ACOT12: variants seen among roughly 807,000 people sequenced by gnomAD.
ACOT12 encodes the protein acyl-CoA thioesterase 12.
A neutral mutation model predicts 67.7 loss-of-function variants in ACOT12; 51 were observed. That is an observed-to-expected ratio of 0.75 (90% CI 0.60 to 0.95). ACOT12 has a LOEUF of 0.95. Ranked by LOEUF, ACOT12 falls within the 40% of genes least tolerant of loss-of-function variation. The probability of loss-of-function intolerance (pLI) is 0.00; values close to 1 mark genes in which losing one functional copy is unlikely to be tolerated. For missense variants in ACOT12, 734 were observed against 708.1 expected (o/e 1.04, Z -0.41); for synonymous variants, 251 against 244.6 (o/e 1.03, Z -0.24).
Position 81,335,952 on chromosome 5 carries a change from T to C in ACOT12, c.1129-51A>G, listed in dbSNP as rs762089378. On this transcript the variant is annotated intron_variant, in intron 11 of 14. Transcript: ENST00000307624. ...TACGAAAGAAAACTGATGCTTTTAC[T>C]TTAGAAACCATATGCATATATATGT... The C allele has an allele frequency of 1.9e-6, 3 of 1,559,154 alleles. No homozygotes were observed. In the South Asian group the frequency reaches 3.6e-5, roughly 18 times the overall value.
intron 2 of ACOT12, among the ~76,000 whole-genome samples, chr5:81,375,622 A>G (rs1290902324): frequency 6.6e-6 from 1 of 152,138 alleles, no homozygotes. Context: ...ACATAGGCTC[A>G]AAATAAAGGG....
chr5:81,363,383 A>G (rs564082418), intron 4 of ACOT12, among the ~76,000 whole-genome samples: 1 of 152,224 alleles, frequency 6.6e-6, no homozygotes, highest in South Asian at 2.1e-4. Flanking sequence ...TGGTTAATCT[A>G]TAACATGCAA....
chr5:81,389,782 C>A (rs1054614140), intron 1 of ACOT12, among the ~76,000 whole-genome samples: 1 of 152,064 alleles, frequency 6.6e-6, no homozygotes, highest in Non-Finnish European at 1.5e-5. Context: ...CTGCCTCAGC[C>A]TCCCAAAGTA....
At chr5:81,335,671 G>A in intron 12 of ACOT12, 97 bp downstream of exon 12, 1 of 1,369,228 alleles carries the variant, frequency 7.3e-7, no homozygotes, top group Admixed American at 2.1e-5. Context: ...TTAAACAATG[G>A]GTCACACATT....
the ACOT12 span, among the ~76,000 whole-genome samples, chr5:81,322,752 C>T: frequency 6.6e-6 from 1 of 152,110 alleles, no homozygotes; most frequent in Non-Finnish European, 1.5e-5. Context: ...AACTTAAAAT[C>T]ATGGTGGAAG....
At chr5:81,314,251 C>T in the ACOT12 span, among the ~76,000 whole-genome samples, 2 of 151,994 alleles carry the variant, frequency 1.3e-5, no homozygotes, top group East Asian at 3.9e-4. Flanking sequence ...ATTATAGGCA[C>T]GCACCACCAC....
intron 3 of ACOT12, among the ~76,000 whole-genome samples, chr5:81,368,034 G>A (rs1209945709): frequency 2.6e-5 from 4 of 152,186 alleles, no homozygotes; most frequent in African/African-American, 9.7e-5. Flanking sequence ...GCTCATGCCT[G>A]TAATCCCAGC....
At chr5:81,385,719 A>G in intron 2 of ACOT12, 38 bp downstream of exon 2, 2 of 1,605,562 alleles carry the variant, frequency 1.2e-6, no homozygotes, top group Non-Finnish European at 1.7e-6. Context: ...TGAACCCACA[A>G]ACCCAGGAGA....
chr5:81,326,400 A>T (rs911554148), downstream of ACOT12, among the ~76,000 whole-genome samples: 2 of 152,072 alleles, frequency 1.3e-5, no homozygotes, highest in Non-Finnish European at 2.9e-5. Context: ...TTGGGATTAC[A>T]TTCATGAGCC....
the ACOT12 span, among the ~76,000 whole-genome samples, chr5:81,322,089 A>G: frequency 6.6e-6 from 1 of 152,176 alleles, no homozygotes; most frequent in Non-Finnish European, 1.5e-5. Context: ...TCACAAATTT[A>G]TAATAGAATG....
At chr5:81,345,100 T>A (rs28714197) in intron 7 of ACOT12, 59 bp from the exon 8 acceptor site, 1 of 1,591,870 alleles carries the variant, frequency 6.3e-7, no homozygotes, top group Non-Finnish European at 8.6e-7. Flanking sequence ...AGGCCCTCCT[T>A]GCACACCGCT....
intron 5 of ACOT12, among the ~76,000 whole-genome samples, chr5:81,357,503 C>T (rs7717621): frequency 0.2 from 30,449 of 151,568 alleles, 3,640 homozygotes; most frequent in African/African-American, 0.33. Flanking sequence ...CACACACACA[C>T]ACTCCATCTA....
intron 5 of ACOT12, among the ~76,000 whole-genome samples, chr5:81,357,695 C>A (rs1357403724): frequency 1.3e-5 from 2 of 152,116 alleles, no homozygotes; most frequent in African/African-American, 2.4e-5. Flanking sequence ...TCTGGATAAA[C>A]ATGCACAGAT....
At position 81,331,635 on chromosome 5, in the gene ACOT12, C is replaced by T. The variant is rs189565251; in HGVS notation, c.1392-695G>A. On this transcript the variant is annotated intron_variant, in intron 13 of 14. Transcript: ENST00000307624. ...AAAATCTTCCTCCAGTCCAATTGCG[C>T]TCCCATGCTATTTTCTACCCTAGAA... Among the ~76,000 whole-genome samples the T allele has an allele frequency of 3.8e-3, 578 of 152,304 alleles. 11 individuals carry two copies. The highest frequency in any genetic ancestry group is 0.036 in the Admixed American group (546 of 15,300).
At chr5:81,391,104 T>G (rs1238992385) in intron 1 of ACOT12, among the ~76,000 whole-genome samples, 1 of 152,232 alleles carries the variant, frequency 6.6e-6, no homozygotes, top group East Asian at 1.9e-4. Flanking sequence ...ACAACTATTT[T>G]CAGTTCTTTT....
chr5:81,383,530 T>C (rs11950658), intron 2 of ACOT12, among the ~76,000 whole-genome samples: 74,998 of 151,426 alleles, frequency 0.5, 20,359 homozygotes, highest in African/African-American at 0.71. Context: ...AATTGCAAGA[T>C]AAAAGAAGGA....
chr5:81,392,982 C>T (rs1760902820), intron 1 of ACOT12, among the ~76,000 whole-genome samples: 1 of 152,148 alleles, frequency 6.6e-6, no homozygotes, highest in Non-Finnish European at 1.5e-5. Context: ...ACCTCATTAG[C>T]CTTAATTCTT....
chr5:81,362,892 T>A (rs1005158234), intron 4 of ACOT12, among the ~76,000 whole-genome samples: 1 of 152,198 alleles, frequency 6.6e-6, no homozygotes, highest in Non-Finnish European at 1.5e-5. Context: ...AATATGAATT[T>A]GCCTTGCAAC....
rs951310618 is a variant in ACOT12, at chr5:81,343,756, G to A, written c.1044+62C>T. On this transcript the variant is annotated intron_variant, in intron 10 of 14. Transcript: ENST00000307624. ...CACAGCCTAGGCCAGTTAGGCAAGC[G>A]GATTTCCATTTTTGTAATGATGAGA... 25 of 1,546,568 alleles carry A rather than the reference G, an allele frequency of 1.6e-5. No individual in the cohort carries two copies. The South Asian group carries it at 2.0e-4, about 12-fold the overall frequency.
Sources: gnomAD v4.1 joint callset for allele counts (sites outside exome capture counted in the v4.1 genomes callset) on GRCh38, gnomAD v4.1.1 for gene constraint, MANE v1.5 for transcripts, NCBI Gene and HGNC (gene_info 2026-07-23, HGNC 2026-07-21) for gene names.